Variants in CPNE9 observed in about 807,000 individuals in gnomAD.
CPNE9 encodes copine family member 9, also known as copine-9.
In CPNE9, 59 loss-of-function variants were observed where a neutral mutation model predicts 83.0. That is an observed-to-expected ratio of 0.71 (90% confidence interval 0.58 to 0.88). The LOEUF (loss-of-function observed/expected upper bound fraction) is 0.88, where lower values mean the gene tolerates loss of function less well. CPNE9 is among the 40% of genes least tolerant of loss of function. The pLI is 0.00. For synonymous variants in CPNE9, 256 were observed against 273.4 expected (o/e 0.94, Z 0.63); for missense variants, 619 against 720.8 (o/e 0.86, Z 1.62).
intron 20 of CPNE9, among the ~76,000 whole-genome samples, chr3:9,728,132 G>C (rs1258293517): frequency 6.6e-6 from 1 of 152,204 alleles, no homozygotes; most frequent in Admixed American, 6.5e-5. Flanking sequence ...CGAAGTATCT[G>C]TGACAATTGA....
At chr3:9,716,164 G>A in intron 14 of CPNE9, 129 bp downstream of exon 14, 2 of 776,992 alleles carry the variant, frequency 2.6e-6, no homozygotes, top group South Asian at 1.7e-5. Context: ...AAAACACTTG[G>A]CCAACTATAA....
At chr3:9,726,574 C>T in intron 18 of CPNE9, 91 bp from the exon 19 acceptor site, 1 of 979,004 alleles carries the variant, frequency 1.0e-6, no homozygotes, top group Non-Finnish European at 1.6e-6. Context: ...TGTGCAGAAC[C>T]ATGACACACA....
chr3:9,708,469 C>A (rs2076585397), intron 7 of CPNE9, among the ~76,000 whole-genome samples: 1 of 152,202 alleles, frequency 6.6e-6, no homozygotes, highest in Non-Finnish European at 1.5e-5. Context: ...GAAGGGTTAT[C>A]AAGAAGGAGA....
intron 7 of CPNE9, among the ~76,000 whole-genome samples, chr3:9,708,321 AAGAG>A (rs144509824): frequency 6.6e-6 from 1 of 152,282 alleles, no homozygotes; most frequent in Non-Finnish European, 1.5e-5. Flanking sequence ...ACGGGAGAAA[AAGAG>A]AGAAAGAGGG....
Position 9,729,791 on chromosome 3 carries a change from G to A in CPNE9, c.*99G>A, listed in dbSNP as rs1195556115. On this transcript the variant is annotated 3_prime_UTR_variant, in exon 21 of 21. Coordinates refer to ENST00000383832, the MANE Select transcript of CPNE9 (RefSeq NM_153635.3). Reference sequence around the variant, plus strand: ...CTGGAACCCTGGACTTCACTGGGAGGGCCAACTTGGAGGATCAGTGCTGGC... The same window carrying A: ...CTGGAACCCTGGACTTCACTGGGAGAGCCAACTTGGAGGATCAGTGCTGGC... The A allele has an allele frequency of 6.9e-7, 1 of 1,453,556 alleles. No individual in the cohort carries two copies. The allele number at this position is 1,453,556 out of a possible 1,614,324, so 90.0% of individuals were successfully genotyped here. A position where few individuals can be genotyped will look rare whatever the true frequency, so the allele number is the denominator to read the frequency against.
Position 9,704,310 on chromosome 3 carries a change from G to A in CPNE9, c.68+246G>A, listed in dbSNP as rs1260444376. Among the ~76,000 whole-genome samples, 2 of 152,192 alleles carry A rather than the reference G, an allele frequency of 1.3e-5. No homozygotes were observed. The highest frequency in any genetic ancestry group is 2.9e-5 in the Non-Finnish European group (2 of 68,032). ...GGTCGCAGATATCCGGTAGGAGCTC[G>A]GCCCCAGGAGGACAAAGTTCTGGGG... On this transcript the variant is annotated intron_variant, in intron 1 of 20. Transcript: ENST00000383832. This position sits in a 1 kb window ranked among gnomAD's most constrained non-coding sequence, Gnocchi z 7.1.
chr3:9,727,088 G>C (rs2076791201), intron 19 of CPNE9, 25 bp from the exon 20 acceptor site: 1 of 1,613,862 alleles, frequency 6.2e-7, no homozygotes, highest in African/African-American at 1.3e-5. Context: ...AGGCCAATCA[G>C]CTGAGGGGTG....
At position 9,729,788 on chromosome 3, in the gene CPNE9, G is replaced by C; in HGVS notation, c.*96G>C. 1 of 1,460,790 alleles carries C rather than the reference G, an allele frequency of 6.8e-7. No individual in the cohort carries two copies. Among genetic ancestry groups the C allele is most frequent in the Non-Finnish European group, 9.1e-7 (1 of 1,102,472 alleles). 90.5% of individuals were successfully genotyped at this position (1,460,790 alleles called of 1,614,324 possible). On this transcript the variant is annotated 3_prime_UTR_variant, in exon 21 of 21. Transcript: ENST00000383832. ...CACCTGGAACCCTGGACTTCACTGG[G>C]AGGGCCAACTTGGAGGATCAGTGCT...
chr3:9,714,959 G>C lies in CPNE9; in HGVS notation c.692+4G>C. Reference sequence around the variant, plus strand: ...ACGACTGGGACCGGGATGGAAGGTAGAACTGCCCCACATGGTCCCTTCTCC... The same window carrying C: ...ACGACTGGGACCGGGATGGAAGGTACAACTGCCCCACATGGTCCCTTCTCC... On this transcript the variant is annotated splice_donor_region_variant and intron_variant, in intron 11 of 20. Coordinates refer to ENST00000383832, the MANE Select transcript of CPNE9 (RefSeq NM_153635.3). The C allele has an allele frequency of 6.2e-7, 1 of 1,613,450 alleles. No homozygotes were observed. The highest frequency in any genetic ancestry group is 1.3e-5 in the African/African-American group (1 of 75,026).
intron 7 of CPNE9, among the ~76,000 whole-genome samples, chr3:9,706,293 TTC>T (rs1027887422): frequency 3.2e-4 from 48 of 150,926 alleles, no homozygotes; most frequent in African/African-American, 1.1e-3. Context: ...CTCTCTCTGT[TTC>T]TCTCTCTCTC....
rs1449657692 is a variant in CPNE9 at position 9,727,385 on chromosome 3, C to T, written c.1476+199C>T. On this transcript the variant is annotated intron_variant, in intron 20 of 20. Transcript: ENST00000383832. ...GCCTTGGCACATCCGTGGTGTAGGT[C>T]GGGAGGTCCCCAAGGCCCCTGCCCT... 9.6e-6 allele frequency: 7 copies of T among 731,166 alleles called. No homozygotes were observed. In the East Asian group the frequency reaches 1.1e-4, roughly 11 times the overall value. The allele number at this position is 731,166 out of a possible 1,614,324, so 45.3% of individuals were successfully genotyped here. A position where few individuals can be genotyped will look rare whatever the true frequency, so the allele number is the denominator to read the frequency against.
intron 7 of CPNE9, among the ~76,000 whole-genome samples, chr3:9,708,868 T>G (rs1387676124): frequency 6.6e-6 from 1 of 151,544 alleles, no homozygotes; most frequent in Non-Finnish European, 1.5e-5. Flanking sequence ...TCTCCTGACC[T>G]CATGATCCGC....
chr3:9,712,502 C>T (rs1166436308), intron 7 of CPNE9, 39 bp from the exon 8 acceptor site: 21 of 1,567,262 alleles, frequency 1.3e-5, no homozygotes, highest in Non-Finnish European at 1.8e-5. Context: ...TTGTTGCCTA[C>T]CCTCCCTCCT....
At chr3:9,707,455 A>AC (rs2076576074) in intron 7 of CPNE9, among the ~76,000 whole-genome samples, 1 of 151,688 alleles carries the variant, frequency 6.6e-6, no homozygotes, top group Non-Finnish European at 1.5e-5. Flanking sequence ...GCTACCAGTG[A>AC]AGGAGGGGAG....
Position 9,707,352 on chromosome 3 carries a change from C to CAA in CPNE9, c.377+1311_377+1312dup, listed in dbSNP as rs779965477. Among the ~76,000 whole-genome samples the CAA allele has an allele frequency of 5.0e-3, 250 of 50,368 alleles. 6 individuals carry two copies. The highest frequency in any genetic ancestry group is 7.6e-3 in the African/African-American group (90 of 11,896). The allele number at this position is 50,368 out of a possible 152,430, so 33.0% of individuals were successfully genotyped here. A position where few individuals can be genotyped will look rare whatever the true frequency, so the allele number is the denominator to read the frequency against. On this transcript the variant is annotated intron_variant, in intron 7 of 20. Transcript: ENST00000383832. ...TGGGCAACAGAGCGAGATTCTGTCT[C>CAA]AAAAAAAAAAAAAAAAAAAAAAAGA... is the stretch of plus-strand genomic sequence containing the variant.
At chr3:9,712,224 C>T (rs898524239) in intron 7 of CPNE9, among the ~76,000 whole-genome samples, 2 of 152,184 alleles carry the variant, frequency 1.3e-5, no homozygotes, top group African/African-American at 4.8e-5. Context: ...GAGAAAAAGA[C>T]TAAGGCCGAG....
Position 9,712,560 on chromosome 3 carries a change from T to C in CPNE9, c.397T>C (p.Cys133Arg). 6.2e-7 allele frequency: 1 copy of C among 1,614,112 alleles called. No individual in the cohort carries two copies. The highest frequency in any genetic ancestry group is 1.1e-5 in the South Asian group (1 of 91,078). Residue 133 changes from cysteine to arginine, a missense_variant, in exon 8 of 21, where the codon TGT (cysteine) becomes CGT (arginine). This residue lies in a region of CPNE9 where 438 missense variants were observed against 562.9 expected (regional missense o/e 0.78). Transcript: ENST00000383832. Reference sequence around the variant, plus strand: ...TTCCAGGGGTGTACCAGGCAAGAAGTGTGGGACCATATTGCTGACTGCAGA... The same window carrying C: ...TTCCAGGGGTGTACCAGGCAAGAAGCGTGGGACCATATTGCTGACTGCAGA... Reference protein sequence around the residue: ...RTLTGVPGKKCGTILLTAEEL... With the variant: ...RTLTGVPGKKRGTILLTAEEL...
At chr3:9,720,704 G>A (rs527791789) in intron 17 of CPNE9, among the ~76,000 whole-genome samples, 19 of 151,976 alleles carry the variant, frequency 1.3e-4, no homozygotes, top group African/African-American at 4.3e-4. Flanking sequence ...ACTAATACTG[G>A]AACCTGAGCA....
At chr3:9,719,447 C>G (rs1436881061) in intron 17 of CPNE9, among the ~76,000 whole-genome samples, 1 of 152,162 alleles carries the variant, frequency 6.6e-6, no homozygotes, top group East Asian at 1.9e-4. Context: ...AGCATCAGAT[C>G]TGAGTGGGAT....
Sources: gnomAD v4.1 joint callset for allele counts (sites outside exome capture counted in the v4.1 genomes callset) on GRCh38, gnomAD v4.1.1 for gene constraint, gnomAD v4.1.1 regional missense constraint, Gnocchi (gnomAD v3.1) non-coding constraint, MANE v1.5 for transcripts, NCBI Gene and HGNC (gene_info 2026-07-23, HGNC 2026-07-21) for gene names.